MYOM3: variants seen among roughly 807,000 people sequenced by gnomAD.
The protein encoded by MYOM3 is myomesin-3.
A neutral mutation model predicts 191.7 loss-of-function variants in MYOM3; 155 were observed. The ratio of observed to expected loss-of-function variants is 0.81; its 90% confidence interval spans 0.71 to 0.92. The LOEUF (loss-of-function observed/expected upper bound fraction) is 0.92, where lower values mean the gene tolerates loss of function less well. Among genes scored for constraint, MYOM3 ranks in the 40% least tolerant of loss-of-function variants. The pLI, the probability that MYOM3 is intolerant of heterozygous loss-of-function variation, is 0.00. For missense variants in MYOM3, 1,889 were observed against 1,890.6 expected (o/e 1.00, Z 0.02); for synonymous variants, 757 against 762.9 (o/e 0.99, Z 0.13).
intron 8 of MYOM3, among the ~76,000 whole-genome samples, chr1:24,095,209 C>T (rs1250908036): frequency 1.3e-5 from 2 of 152,166 alleles, no homozygotes; most frequent in Non-Finnish European, 2.9e-5. Context: ...GTTTTTCTGG[C>T]TTTGCCTTTC....
chr1:24,096,877 C>T (rs2148558312), intron 7 of MYOM3, among the ~76,000 whole-genome samples: 1 of 152,320 alleles, frequency 6.6e-6, no homozygotes, highest in South Asian at 2.1e-4. Flanking sequence ...GTACCACATG[C>T]CAAGGCTTAT....
At chr1:24,074,102 A>G (rs1475460040) in intron 23 of MYOM3, 58 bp downstream of exon 23, 9 of 1,406,110 alleles carry the variant, frequency 6.4e-6, no homozygotes, top group Non-Finnish European at 9.0e-6. Flanking sequence ...CTGTGTGGGC[A>G]TTTGTGTTTG....
chr1:24,094,709 C>T lies in MYOM3; in HGVS notation c.928+144G>A, dbSNP rs74888894. 3.7e-4 allele frequency: 291 copies of T among 786,368 alleles called. No individual in the cohort carries two copies. In the African/African-American group the frequency reaches 4.5e-3, roughly 12 times the overall value. The allele number at this position is 786,368 out of a possible 1,614,324, so 48.7% of individuals were successfully genotyped here. A position where few individuals can be genotyped will look rare whatever the true frequency, so the allele number is the denominator to read the frequency against. On this transcript the variant is annotated intron_variant, in intron 9 of 36. Transcript: ENST00000374434. ...ATCTGACCACACCTGGCTGCACTCCCGCTCTCCTCTGCCTCTTCAGCACTT... is the reference window on the plus strand; with the variant it reads ...ATCTGACCACACCTGGCTGCACTCCTGCTCTCCTCTGCCTCTTCAGCACTT...
chr1:24,097,838 C>A, intron 7 of MYOM3, 85 bp downstream of exon 7: 1 of 926,334 alleles, frequency 1.1e-6, no homozygotes. Flanking sequence ...GGCCCTTCCT[C>A]AGGTCTCACG....
chr1:24,057,597 C>T lies in MYOM3; in HGVS notation c.4081G>A (p.Asp1361Asn), dbSNP rs1643319011. Residue 1361 changes from aspartate (D) to asparagine (N), a missense_variant, in exon 37 of 37, where the codon GAC (aspartate) becomes AAC (asparagine). Physicochemically the swap from Asp to Asn is conservative, Grantham distance 23. Coordinates refer to ENST00000374434, the MANE Select transcript of MYOM3 (RefSeq NM_152372.4). Reference protein sequence around the residue: ...TLCLTCIVSGDPTPEISWLKN... With the variant: ...TLCLTCIVSGNPTPEISWLKN... ...AGCCAAGAGATTTCAGGGGTGGGGT[C>T]TCCTGAGACGATGCAAGTCAAGCAC... is the stretch of plus-strand genomic sequence containing the variant. The T allele has an allele frequency of 6.2e-7, 1 of 1,614,110 alleles. No individual in the cohort carries two copies. Among genetic ancestry groups the T allele is most frequent in the Non-Finnish European group, 8.5e-7 (1 of 1,180,014 alleles).
intron 12 of MYOM3, 53 bp downstream of exon 12, chr1:24,090,744 T>C: frequency 6.3e-7 from 1 of 1,580,722 alleles, no homozygotes; most frequent in Non-Finnish European, 8.7e-7. Flanking sequence ...GAGACAGTCC[T>C]GAGGGTTCCC....
intron 32 of MYOM3, 59 bp from the exon 33 acceptor site, chr1:24,062,168 G>A (rs558575548): frequency 2.5e-5 from 40 of 1,591,292 alleles, no homozygotes; most frequent in African/African-American, 1.7e-4. Flanking sequence ...ACAGATACCC[G>A]TGCCCCAAAA....
intron 23 of MYOM3, among the ~76,000 whole-genome samples, chr1:24,073,502 C>T (rs945316817): frequency 6.6e-6 from 1 of 152,188 alleles, no homozygotes; most frequent in Non-Finnish European, 1.5e-5. Flanking sequence ...TATCATCACA[C>T]TTGCACTGTT....
At chr1:24,086,501 C>A (rs1643748763) in intron 15 of MYOM3, 143 bp downstream of exon 15, 2 of 796,250 alleles carry the variant, frequency 2.5e-6, no homozygotes, top group Admixed American at 5.8e-5. Context: ...ACTCCCCAGG[C>A]CTGAGATCAA....
chr1:24,079,366 ATT>A (rs56358148), intron 20 of MYOM3, among the ~76,000 whole-genome samples: 16 of 144,780 alleles, frequency 1.1e-4, no homozygotes, highest in East Asian at 2.0e-4. Context: ...ACACCTGGCT[ATT>A]TTTTTTTTTT....
At position 24,086,664 on chromosome 1, in the gene MYOM3, A is replaced by G; in HGVS notation, c.1778T>C (p.Ile593Thr). The G allele has an allele frequency of 6.2e-7, 1 of 1,613,930 alleles. No homozygotes were observed. Among genetic ancestry groups the G allele is most frequent in the Non-Finnish European group, 8.5e-7 (1 of 1,179,934 alleles). ...LSDPSEPSEPIALRGPPATLP... is the reference protein window; with the variant it reads ...LSDPSEPSEPTALRGPPATLP... ...GGTACCTGGCGGGCCCCGCAAGGCG[A>G]TGGGTTCGCTGGGCTCCGAGGGATC... The change falls in exon 15 of 37, where the codon ATC (isoleucine) becomes ACC (threonine). Residue 593 changes from isoleucine (I) to threonine (T), a missense_variant. Coordinates refer to ENST00000374434, the MANE Select transcript of MYOM3 (RefSeq NM_152372.4).
intron 27 of MYOM3, 143 bp from the exon 28 acceptor site, chr1:24,067,231 G>T: frequency 1.4e-6 from 1 of 694,914 alleles, no homozygotes; most frequent in South Asian, 2.2e-5. Context: ...TGGGACTGGG[G>T]TGAGGCAGGG....
intron 11 of MYOM3, among the ~76,000 whole-genome samples, 179 bp from the exon 12 acceptor site, chr1:24,091,175 C>T (rs1390390741): frequency 6.6e-6 from 1 of 152,246 alleles, no homozygotes; most frequent in East Asian, 1.9e-4. Context: ...GAGACCTTTT[C>T]ACCATCCCTG....
intron 7 of MYOM3, among the ~76,000 whole-genome samples, 158 bp downstream of exon 7, chr1:24,097,765 G>A (rs986143900): frequency 1.7e-4 from 26 of 152,236 alleles, no homozygotes; most frequent in Admixed American, 7.8e-4. Flanking sequence ...GGCCCCCAGG[G>A]AAGCGGGAGT....
chr1:24,090,290 C>G (rs962725995), intron 12 of MYOM3, among the ~76,000 whole-genome samples, 172 bp from the exon 13 acceptor site: 1 of 152,198 alleles, frequency 6.6e-6, no homozygotes, highest in Non-Finnish European at 1.5e-5. Flanking sequence ...CTCAGGAGTC[C>G]CAAGTGGAGC....
intron 7 of MYOM3, among the ~76,000 whole-genome samples, chr1:24,096,779 G>A (rs185316538): frequency 3.7e-3 from 292 of 79,994 alleles, no homozygotes; most frequent in African/African-American, 0.011. Flanking sequence ...TCTCTCTCCC[G>A]GGGGTCCTGG....
rs766945895 is a variant in MYOM3 at position 24,082,151 on chromosome 1, G to T, written c.2130C>A (p.Asn710Lys). ...CAATGACCATTTCATTCTTCCCGCA[G>T]TTCAGGAGGGCAAAGCCATATGGGG... ...PSAPYGFALL[N>K]CGKNEMVIGW... The change falls in exon 18 of 37, where the codon AAC becomes AAA. Residue 710 changes from asparagine to lysine, a missense_variant. Coordinates refer to ENST00000374434, the MANE Select transcript of MYOM3 (RefSeq NM_152372.4). 1.9e-6 allele frequency: 3 copies of T among 1,613,366 alleles called. No homozygotes were observed. The highest frequency in any genetic ancestry group is 1.7e-4 in the Middle Eastern group (1 of 5,988).
chr1:24,081,414 G>T lies in MYOM3; in HGVS notation c.2323C>A (p.Arg775=), dbSNP rs376868386. The change falls in exon 19 of 37, where the codon CGG becomes AGG. Residue 775 remains arginine, a synonymous_variant. Transcript: ENST00000374434. The part of the protein sequence containing the change: ...HEGHFYEFRA[R]AANWAGVGEL... ...CCAACACCTGCCCAGTTGGCAGCCCGGGCACGGAACTCATAGAAGTGGCCT... is the reference window on the plus strand; with the variant it reads ...CCAACACCTGCCCAGTTGGCAGCCCTGGCACGGAACTCATAGAAGTGGCCT... 4 of 1,614,128 alleles carry T rather than the reference G, an allele frequency of 2.5e-6. No individual in the cohort carries two copies. The South Asian group carries it at 3.3e-5, about 13-fold the overall frequency.
At chr1:24,068,675 C>G (rs1343010576) in intron 25 of MYOM3, among the ~76,000 whole-genome samples, 1 of 151,866 alleles carries the variant, frequency 6.6e-6, no homozygotes, top group Admixed American at 6.6e-5. Context: ...CATGATTTTG[C>G]CTATTTTCTT....
Sources: gnomAD v4.1 joint callset for allele counts (sites outside exome capture counted in the v4.1 genomes callset) on GRCh38, gnomAD v4.1.1 for gene constraint, MANE v1.5 for transcripts, NCBI Gene and HGNC (gene_info 2026-07-23, HGNC 2026-07-21) for gene names.